Variants in SRRM4 observed in about 807,000 individuals in gnomAD.
SRRM4 encodes serine/arginine repetitive matrix 4, also known as serine/arginine repetitive matrix protein 4.
A neutral mutation model predicts 68.9 loss-of-function variants in SRRM4; 33 were observed. The ratio of observed to expected loss-of-function variants is 0.48; its 90% CI spans 0.36 to 0.64. The LOEUF (loss-of-function observed/expected upper bound fraction) is 0.64. Among genes scored for constraint, SRRM4 ranks in the 30% least tolerant of loss-of-function variants. SRRM4 has a pLI of 0.00. For synonymous variants in SRRM4, 318 were observed against 318.8 expected, an observed-to-expected ratio of 1.00 and a Z score of 0.03; for missense variants, 817 against 827.1, an observed-to-expected ratio of 0.99 and a Z score of 0.15.
intron 1 of SRRM4, among the ~76,000 whole-genome samples, chr12:119,030,296 C>T (rs1036553983): frequency 9.9e-5 from 15 of 152,076 alleles, no homozygotes; most frequent in South Asian, 8.3e-4. Flanking sequence ...AACAGATTTC[C>T]GTAAGGCAAA....
At chr12:119,028,762 G>A (rs1357529042) in intron 1 of SRRM4, among the ~76,000 whole-genome samples, 1 of 152,192 alleles carries the variant, frequency 6.6e-6, no homozygotes, top group African/African-American at 2.4e-5. Flanking sequence ...CACAAATTCG[G>A]GAGGAGAGAC....
intron 7 of SRRM4, among the ~76,000 whole-genome samples, chr12:119,128,795 C>T (rs1331165364): frequency 6.6e-6 from 1 of 152,202 alleles, no homozygotes; most frequent in East Asian, 1.9e-4. Context: ...CTGGCCTGGG[C>T]CAGAGAATCA....
At chr12:119,143,362 C>T (rs1269351897) in intron 8 of SRRM4, among the ~76,000 whole-genome samples, 3 of 152,160 alleles carry the variant, frequency 2.0e-5, no homozygotes, top group Admixed American at 1.3e-4. Flanking sequence ...GAAAGCTGCC[C>T]TAACATTTGT....
chr12:119,006,962 C>T (rs1009879767), intron 1 of SRRM4, among the ~76,000 whole-genome samples: 16 of 152,184 alleles, frequency 1.1e-4, no homozygotes, highest in African/African-American at 2.9e-4. Flanking sequence ...GAAGGCAGGG[C>T]CTGCTTGGGA....
At chr12:119,101,888 T>G (rs1172424767) in intron 1 of SRRM4, among the ~76,000 whole-genome samples, 1 of 152,042 alleles carries the variant, frequency 6.6e-6, no homozygotes, top group Non-Finnish European at 1.5e-5. Context: ...CAAATAAACC[T>G]ACATCAAAGT....
intron 2 of SRRM4, among the ~76,000 whole-genome samples, chr12:119,103,158 T>C (rs1954087084): frequency 6.6e-6 from 1 of 152,222 alleles, no homozygotes; most frequent in Non-Finnish European, 1.5e-5. Context: ...CTTTGGCCTC[T>C]GGGAAATCTA....
intron 1 of SRRM4, among the ~76,000 whole-genome samples, chr12:119,039,810 A>T (rs1953653898): frequency 6.6e-6 from 1 of 152,176 alleles, no homozygotes; most frequent in South Asian, 2.1e-4. Flanking sequence ...CCTGGGCTAA[A>T]TCCTGAAACC....
At position 118,981,679 on chromosome 12, in the gene SRRM4, AAGCCCAGCGGACG is replaced by A. The variant is rs1467029780; in HGVS notation, c.-199_-187del. The A allele has an allele frequency of 1.7e-6, 1 of 587,014 alleles. No individual in the cohort carries two copies. The highest frequency in any genetic ancestry group is 1.9e-5 in the African/African-American group (1 of 53,072). 36.4% of individuals were successfully genotyped at this position (587,014 alleles called of 1,614,324 possible). A position where few individuals can be genotyped will look rare whatever the true frequency, so the allele number is the denominator to read the frequency against. ...TGGAGCCGACCCAGAAGGGCGAAGAAAGCCCAGCGGACGAGCCTCCTTTCTCTGCTGCCTGCCC... is the reference window on the plus strand; with the variant it reads ...TGGAGCCGACCCAGAAGGGCGAAGAAAGCCTCCTTTCTCTGCTGCCTGCCC... On this transcript the variant is annotated 5_prime_UTR_variant, in exon 1 of 13. Transcript: ENST00000267260.
At chr12:119,097,983 A>G (rs1284104059) in intron 1 of SRRM4, among the ~76,000 whole-genome samples, 3 of 152,214 alleles carry the variant, frequency 2.0e-5, no homozygotes, top group African/African-American at 4.8e-5. Flanking sequence ...TGTCCCAAAG[A>G]GTTCAGAATT....
chr12:119,039,001 C>G (rs1953647727), intron 1 of SRRM4, among the ~76,000 whole-genome samples: 1 of 152,210 alleles, frequency 6.6e-6, no homozygotes, highest in Non-Finnish European at 1.5e-5. Flanking sequence ...CTCCACATTT[C>G]AACGCTCAAA....
chr12:119,070,999 G>C (rs1953874688), intron 1 of SRRM4, among the ~76,000 whole-genome samples: 1 of 152,156 alleles, frequency 6.6e-6, no homozygotes, highest in Admixed American at 6.5e-5. Context: ...CTGGATGCTT[G>C]GGTATGACCT....
intron 1 of SRRM4, among the ~76,000 whole-genome samples, chr12:119,101,622 G>A (rs1249183042): frequency 6.6e-6 from 1 of 151,994 alleles, no homozygotes; most frequent in Non-Finnish European, 1.5e-5. Flanking sequence ...TTTTATAACT[G>A]AAGAAACTGC....
intron 2 of SRRM4, among the ~76,000 whole-genome samples, chr12:119,113,906 G>A (rs1292132090): frequency 6.6e-6 from 1 of 152,116 alleles, no homozygotes; most frequent in Non-Finnish European, 1.5e-5. Context: ...AGGAACTACG[G>A]ACACGATATA....
At chr12:119,103,062 A>G (rs530683386) in intron 2 of SRRM4, among the ~76,000 whole-genome samples, 3 of 152,104 alleles carry the variant, frequency 2.0e-5, no homozygotes, top group South Asian at 4.1e-4. Context: ...AACCCACTCC[A>G]TTATCCTATG....
chr12:119,014,605 A>T (rs1056653197), intron 1 of SRRM4, among the ~76,000 whole-genome samples: 1 of 152,184 alleles, frequency 6.6e-6, no homozygotes, highest in South Asian at 2.1e-4. Context: ...ATGCCACTCC[A>T]TGTTTTTAAA....
chr12:119,017,663 T>A (rs1274353168), intron 1 of SRRM4, among the ~76,000 whole-genome samples: 1 of 151,880 alleles, frequency 6.6e-6, no homozygotes, highest in African/African-American at 2.4e-5. Flanking sequence ...AAAGAAAGAG[T>A]GGAGTCCATT....
rs1326570883 is a variant in SRRM4, at chr12:119,156,971, C to G, written c.*173C>G. The G allele has an allele frequency of 1.3e-6, 1 of 756,612 alleles. No homozygotes were observed. The highest frequency in any genetic ancestry group is 2.1e-6 in the Non-Finnish European group (1 of 487,410). 46.9% of individuals were successfully genotyped at this position (756,612 alleles called of 1,614,324 possible). A position where few individuals can be genotyped will look rare whatever the true frequency, so the allele number is the denominator to read the frequency against. On this transcript the variant is annotated 3_prime_UTR_variant, in exon 13 of 13. Coordinates refer to ENST00000267260, the MANE Select transcript of SRRM4 (RefSeq NM_194286.4). ...AGGGGGCTTCACTCTCTAGATCAGC[C>G]TGCTAGGAGCCTCTACCAGCATCAT...
chr12:119,095,234 C>G (rs1954036388), intron 1 of SRRM4, among the ~76,000 whole-genome samples: 1 of 152,198 alleles, frequency 6.6e-6, no homozygotes, highest in Admixed American at 6.5e-5. Flanking sequence ...CACAAATTGG[C>G]CAACTTCATC....
intron 3 of SRRM4, among the ~76,000 whole-genome samples, chr12:119,114,784 C>T (rs868210690): frequency 6.6e-6 from 1 of 151,178 alleles, no homozygotes; most frequent in African/African-American, 2.4e-5. Context: ...CCTGCCTCAG[C>T]CTCCCGAGTA....
Sources: gnomAD v4.1 joint callset for allele counts (sites outside exome capture counted in the v4.1 genomes callset) on GRCh38, gnomAD v4.1.1 for gene constraint, MANE v1.5 for transcripts, NCBI Gene and HGNC (gene_info 2026-07-23, HGNC 2026-07-21) for gene names.